Variants in GPC6 observed in about 807,000 individuals in gnomAD.
GPC6 encodes glypican 6.
Under a neutral mutation model 55.2 loss-of-function variants are expected in GPC6, and 14 were observed. The ratio of observed to expected loss-of-function variants is 0.25; its 90% CI spans 0.17 to 0.40. The LOEUF is 0.40. Ranked by LOEUF, GPC6 falls within the 10% of genes least tolerant of loss-of-function variation. The probability of loss-of-function intolerance (pLI) is 1.00; values close to 1 mark genes in which losing one functional copy is unlikely to be tolerated. For missense variants in GPC6, 641 were observed against 708.5 expected (o/e 0.90, Z 1.08); for synonymous variants, 278 against 259.6 (o/e 1.07, Z -0.68).
chr13:94,323,279 A>C (rs1368828992), intron 6 of GPC6, among the ~76,000 whole-genome samples: 1 of 152,192 alleles, frequency 6.6e-6, no homozygotes, highest in Non-Finnish European at 1.5e-5. Flanking sequence ...CAAAATCCTG[A>C]CTATGTGATT....
intron 3 of GPC6, among the ~76,000 whole-genome samples, chr13:93,955,228 C>G (rs1295463678): frequency 6.9e-6 from 1 of 144,496 alleles, no homozygotes; most frequent in Admixed American, 7.1e-5. Flanking sequence ...TTGGACATAA[C>G]TCTTGAATGA....
chr13:93,595,371 A>G lies in GPC6; in HGVS notation c.319+49950A>G, dbSNP rs149814310. Among the ~76,000 whole-genome samples, 252 of 152,312 alleles carry G rather than the reference A, an allele frequency of 1.7e-3. 2 individuals carry two copies. The highest frequency in any genetic ancestry group is 3.3e-3 in the Non-Finnish European group (223 of 68,012). ...GATGGTTGATTAAGATGCAAGTTTT[A>G]TCGCTTGTTGGCCATTTGACGTTAA... On this transcript the variant is annotated intron_variant, in intron 2 of 8. Coordinates refer to ENST00000377047, the MANE Select transcript of GPC6 (RefSeq NM_005708.5).
intron 4 of GPC6, among the ~76,000 whole-genome samples, chr13:94,154,644 C>G (rs1887862928): frequency 6.6e-6 from 1 of 152,164 alleles, no homozygotes; most frequent in Non-Finnish European, 1.5e-5. Flanking sequence ...TCATTTTAAA[C>G]TTGAGTCTCA....
intron 1 of GPC6, among the ~76,000 whole-genome samples, chr13:93,452,577 G>A (rs958910486): frequency 6.6e-6 from 1 of 152,132 alleles, no homozygotes; most frequent in African/African-American, 2.4e-5. Context: ...AGCCTCAAGT[G>A]GAAGCTATAC....
At chr13:93,320,071 A>G (rs990114171) in intron 1 of GPC6, among the ~76,000 whole-genome samples, 4 of 152,074 alleles carry the variant, frequency 2.6e-5, no homozygotes, top group African/African-American at 9.7e-5. Flanking sequence ...AATGTTGGAG[A>G]ATTTTGGAGT....
At chr13:93,489,261 G>A (rs1409214922) in intron 1 of GPC6, among the ~76,000 whole-genome samples, 1 of 151,446 alleles carries the variant, frequency 6.6e-6, no homozygotes. Flanking sequence ...TGTCAGGTTT[G>A]TCAAAGATCA....
At chr13:93,977,467 GGTGTGTGTGT>G (rs4001797) in intron 3 of GPC6, among the ~76,000 whole-genome samples, 7,153 of 137,302 alleles carry the variant, frequency 0.052, 321 homozygotes, top group African/African-American at 0.11. Context: ...GATGACAAGG[GGTGTGTGTGT>G]GTGTGTGTGT....
chr13:94,348,498 G>A (rs1374875311), intron 6 of GPC6, among the ~76,000 whole-genome samples: 9 of 152,272 alleles, frequency 5.9e-5, no homozygotes, highest in South Asian at 4.1e-4. Context: ...TAGTTTCCTC[G>A]AGTGGGAAGG....
At chr13:94,255,578 T>C (rs28633223) in intron 4 of GPC6, among the ~76,000 whole-genome samples, 5 of 152,118 alleles carry the variant, frequency 3.3e-5, no homozygotes, top group African/African-American at 1.2e-4. Flanking sequence ...GTCCCTCCTC[T>C]TTTTCTATCT....
chr13:93,449,859 A>G (rs1203061706), intron 1 of GPC6, among the ~76,000 whole-genome samples: 3 of 151,606 alleles, frequency 2.0e-5, no homozygotes, highest in Non-Finnish European at 4.4e-5. Context: ...ATTGCAGAGT[A>G]GATCCAGTTT....
At chr13:93,899,322 A>T (rs967660887) in intron 3 of GPC6, among the ~76,000 whole-genome samples, 3 of 152,112 alleles carry the variant, frequency 2.0e-5, no homozygotes, top group Non-Finnish European at 4.4e-5. Flanking sequence ...CAGTTAAAAA[A>T]GATTAACTCA....
chr13:93,510,560 C>A (rs1424076122), intron 1 of GPC6, among the ~76,000 whole-genome samples: 1 of 151,888 alleles, frequency 6.6e-6, no homozygotes, highest in African/African-American at 2.4e-5. Flanking sequence ...CTTCATTCAT[C>A]TGTTAATAGA....
chr13:94,081,752 C>T (rs1159550401), intron 4 of GPC6, among the ~76,000 whole-genome samples: 1 of 151,950 alleles, frequency 6.6e-6, no homozygotes, highest in Non-Finnish European at 1.5e-5. Context: ...AGGCACTGTA[C>T]AGTAAATGGC....
chr13:93,615,712 T>C (rs953639314), intron 2 of GPC6, among the ~76,000 whole-genome samples: 8 of 152,158 alleles, frequency 5.3e-5, no homozygotes, highest in African/African-American at 1.9e-4. Context: ...GTATGAGCTG[T>C]AAATGTTACT....
intron 7 of GPC6, among the ~76,000 whole-genome samples, chr13:94,391,364 A>G (rs1160418433): frequency 1.3e-5 from 2 of 152,220 alleles, no homozygotes; most frequent in African/African-American, 4.8e-5. Flanking sequence ...CCATGGTCAC[A>G]CTGCGGGGTC....
chr13:93,431,423 G>C (rs936330217), intron 1 of GPC6, among the ~76,000 whole-genome samples: 9 of 151,962 alleles, frequency 5.9e-5, no homozygotes, highest in Admixed American at 3.9e-4. Context: ...AAATAATTAA[G>C]TTGATAAATA....
chr13:94,386,290 G>C (rs1297283036), intron 7 of GPC6, among the ~76,000 whole-genome samples: 1 of 151,710 alleles, frequency 6.6e-6, no homozygotes, highest in Non-Finnish European at 1.5e-5. Flanking sequence ...AGCCTGGGAG[G>C]CAGAGCTTGC....
At chr13:93,261,748 AC>A (rs1877154835) in intron 1 of GPC6, among the ~76,000 whole-genome samples, 3 of 152,116 alleles carry the variant, frequency 2.0e-5, no homozygotes, top group Non-Finnish European at 4.4e-5. Flanking sequence ...GGTTGGACAA[AC>A]AGATAAGCTT....
intron 4 of GPC6, among the ~76,000 whole-genome samples, chr13:94,222,906 T>A (rs558073888): frequency 4.6e-4 from 70 of 152,258 alleles, no homozygotes; most frequent in African/African-American, 1.6e-3. Flanking sequence ...TTGCCACTGA[T>A]GCTTTTTTTA....
Sources: allele counts gnomAD v4.1 joint callset (sites outside exome capture counted in the v4.1 genomes callset), GRCh38; gene constraint gnomAD v4.1.1; transcripts MANE v1.5; gene names NCBI Gene and HGNC (gene_info 2026-07-23, HGNC 2026-07-21).